The following TENM3 variants were observed in gnomAD, a reference collection of about 807,000 sequenced individuals.
TENM3 encodes teneurin-3.
In TENM3, 63 loss-of-function variants were observed where a neutral mutation model predicts 255.1. That is an observed-to-expected ratio of 0.25 (90% CI 0.20 to 0.30). TENM3 has a LOEUF of 0.30. Among genes scored for constraint, TENM3 ranks in the 10% least tolerant of loss-of-function variants. The pLI is 1.00. For synonymous variants in TENM3, 1,306 were observed against 1,322.3 expected (o/e 0.99, Z 0.27); for missense variants, 2,929 against 3,461.1 (o/e 0.85, Z 3.86).
rs1229845790 is a variant in TENM3, at chr4:182,792,106, A to G, written c.5602-168A>G. Among the ~76,000 whole-genome samples the G allele has an allele frequency of 6.6e-6, 1 of 152,192 alleles. No individual in the cohort carries two copies. The highest frequency in any genetic ancestry group is 2.4e-5 in the African/African-American group (1 of 41,434). On this transcript the variant is annotated intron_variant, in intron 25 of 27. Coordinates refer to ENST00000511685, the MANE Select transcript of TENM3 (RefSeq NM_001080477.4). The surrounding 1 kb of genome is among the most constrained non-coding windows in gnomAD (Gnocchi z 6.3). ...CAGAACCCCTCACAATTAAGCATCC[A>G]AGCAAATTAGGCAGAGAAACGTTAA...
At chr4:182,461,835 A>G (rs1187842333) in intron 3 of TENM3, among the ~76,000 whole-genome samples, 2 of 152,194 alleles carry the variant, frequency 1.3e-5, no homozygotes, top group African/African-American at 4.8e-5. Flanking sequence ...CAGAAAGACC[A>G]AGTGACTGTT....
At chr4:182,509,788 C>T (rs1306554947) in intron 3 of TENM3, among the ~76,000 whole-genome samples, 3 of 151,732 alleles carry the variant, frequency 2.0e-5, no homozygotes, top group Non-Finnish European at 4.4e-5. Context: ...AAATACAAAA[C>T]TAGCTGGGGG....
At chr4:181,978,725 G>A in the TENM3 span, among the ~76,000 whole-genome samples, 7 of 151,010 alleles carry the variant, frequency 4.6e-5, no homozygotes, top group East Asian at 1.2e-3. Context: ...CTGTTCAGGA[G>A]GAAAGAAAGA....
At chr4:181,696,999 T>C in the TENM3 span, among the ~76,000 whole-genome samples, 161 of 152,338 alleles carry the variant, frequency 1.1e-3, no homozygotes, top group African/African-American at 3.6e-3. Flanking sequence ...GTTGTTGTTG[T>C]TACAAATTGT....
At chr4:182,235,387 C>T (rs539121038) in intron 1 of TENM3, among the ~76,000 whole-genome samples, 113 of 152,294 alleles carry the variant, frequency 7.4e-4, no homozygotes, top group African/African-American at 2.5e-3. Flanking sequence ...CCTTCCCAGG[C>T]GGTGGTTCTT....
At chr4:182,662,168 G>A (rs554865936) in intron 6 of TENM3, among the ~76,000 whole-genome samples, 1 of 152,208 alleles carries the variant, frequency 6.6e-6, no homozygotes, top group East Asian at 1.9e-4. Flanking sequence ...CATATGAACT[G>A]GGTATCACAT....
rs111252675 is a variant in TENM3, at chr4:182,792,210, A to C, written c.5602-64A>C. On this transcript the variant is annotated intron_variant, in intron 25 of 27. Coordinates refer to ENST00000511685, the MANE Select transcript of TENM3 (RefSeq NM_001080477.4). The surrounding 1 kb of genome is among the most constrained non-coding windows in gnomAD (Gnocchi z 6.3). ...GGAATGTTTCTGTGCATCTGTGGTC[A>C]CTAAATCTGCTTTTGCATCTCCCGT... 8,817 of 1,450,480 alleles carry C rather than the reference A, an allele frequency of 6.1e-3. 417 individuals are homozygous for C. The African/African-American group carries it at 0.11, about 17-fold the overall frequency. 89.9% of individuals were successfully genotyped at this position (1,450,480 alleles called of 1,614,324 possible).
At chr4:182,483,568 A>G (rs182362579) in intron 3 of TENM3, among the ~76,000 whole-genome samples, 107 of 152,350 alleles carry the variant, frequency 7.0e-4, no homozygotes, top group African/African-American at 1.9e-3. Flanking sequence ...GTGATCCCAT[A>G]TATCTCAACA....
the TENM3 span, among the ~76,000 whole-genome samples, chr4:181,549,514 C>G: frequency 6.6e-6 from 1 of 152,222 alleles, no homozygotes; most frequent in African/African-American, 2.4e-5. Flanking sequence ...AGGCCAAGCT[C>G]TGTGCTCAGC....
the TENM3 span, among the ~76,000 whole-genome samples, chr4:181,989,779 C>T: frequency 6.5e-3 from 983 of 152,232 alleles, 12 homozygotes; most frequent in African/African-American, 0.022. Context: ...AATGAATAGA[C>T]CTGTCCCACT....
At chr4:182,638,488 G>GC (rs138014331) in intron 5 of TENM3, among the ~76,000 whole-genome samples, 7,477 of 152,022 alleles carry the variant, frequency 0.049, 282 homozygotes, top group East Asian at 0.2. Context: ...TTACTCTGAG[G>GC]CCCCCCCATT....
chr4:182,770,401 C>T (rs994825140), intron 22 of TENM3, among the ~76,000 whole-genome samples: 1 of 152,166 alleles, frequency 6.6e-6, no homozygotes, highest in African/African-American at 2.4e-5. Flanking sequence ...TCCAGTATGA[C>T]TCTGTGCTGG....
intron 4 of TENM3, among the ~76,000 whole-genome samples, chr4:182,621,395 A>C (rs1383123741): frequency 5.3e-5 from 8 of 151,124 alleles, no homozygotes; most frequent in Non-Finnish European, 1.2e-4. Context: ...TGAAATCTCA[A>C]AAGTACCTCT....
the TENM3 span, among the ~76,000 whole-genome samples, chr4:181,567,464 T>A: frequency 2.0e-5 from 3 of 152,208 alleles, no homozygotes; most frequent in African/African-American, 7.2e-5. Flanking sequence ...ATTATTTAAT[T>A]ACCACATCAG....
chr4:181,452,114 C>A, the TENM3 span, among the ~76,000 whole-genome samples: 6 of 152,076 alleles, frequency 3.9e-5, no homozygotes, highest in Admixed American at 1.3e-4. Context: ...TTGAATTAAA[C>A]AACAGTAACA....
intron 1 of TENM3, among the ~76,000 whole-genome samples, chr4:182,202,325 G>A (rs1446310227): frequency 4.2e-5 from 5 of 118,432 alleles, no homozygotes; most frequent in African/African-American, 1.9e-4. Flanking sequence ...TTTTTTTTGA[G>A]ATGGAGTTTC....
chr4:182,787,005 C>A (rs1372207254), intron 24 of TENM3, among the ~76,000 whole-genome samples: 1 of 152,090 alleles, frequency 6.6e-6, no homozygotes, highest in Non-Finnish European at 1.5e-5. Context: ...CTTGATTCTG[C>A]CATTTATCAC....
chr4:182,143,793 G>C (rs1256624155), upstream of TENM3: 2 of 152,528 alleles, frequency 1.3e-5, no homozygotes, highest in African/African-American at 4.8e-5. This position sits in a 1 kb window ranked among gnomAD's most constrained non-coding sequence, Gnocchi z 4.3. Context: ...CATCAGAGCC[G>C]AAAGCCGGCA....
chr4:181,957,505 G>A, the TENM3 span, among the ~76,000 whole-genome samples: 2 of 152,154 alleles, frequency 1.3e-5, no homozygotes, highest in Admixed American at 6.6e-5. Flanking sequence ...TTAAGATAAT[G>A]TTTAATTAAA....
Sources: allele counts gnomAD v4.1 joint callset (sites outside exome capture counted in the v4.1 genomes callset), GRCh38; gene constraint gnomAD v4.1.1; non-coding constraint Gnocchi (gnomAD v3.1); transcripts MANE v1.5; gene names NCBI Gene and HGNC (gene_info 2026-07-23, HGNC 2026-07-21).